The following MTMR3 variants were observed in gnomAD, a reference collection of about 807,000 sequenced individuals.
The protein encoded by MTMR3 is myotubularin related protein 3.
In MTMR3, 32 loss-of-function variants were observed where a neutral mutation model predicts 132.4. The observed-to-expected ratio is 0.24, with a 90% CI of 0.18 to 0.32. MTMR3 has a LOEUF of 0.32. Among genes scored for constraint, MTMR3 ranks in the 10% least tolerant of loss-of-function variants. MTMR3 has a pLI of 1.00. For synonymous variants in MTMR3, 556 were observed against 550.3 expected (o/e 1.01, Z -0.14); for missense variants, 1,216 against 1,489.6 (o/e 0.82, Z 3.02).
At chr22:30,008,384 G>T in intron 11 of MTMR3, 1 of 209,922 alleles carries the variant, frequency 4.8e-6, no homozygotes, top group Non-Finnish European at 9.8e-6. Flanking sequence ...TTGACAGAGG[G>T]TATGCTCACC....
intron 3 of MTMR3, among the ~76,000 whole-genome samples, chr22:29,972,209 G>C (rs1363917894): frequency 6.6e-6 from 1 of 152,128 alleles, no homozygotes; most frequent in African/African-American, 2.4e-5. Context: ...TCAATGAATT[G>C]AAAAAGTGCT....
intron 14 of MTMR3, 66 bp from the exon 15 acceptor site, chr22:30,016,462 G>T: frequency 2.6e-6 from 4 of 1,553,582 alleles, no homozygotes; most frequent in Non-Finnish European, 3.5e-6. Flanking sequence ...AGGTGGCTCA[G>T]CTGAGCTGAC....
At chr22:29,972,395 T>G (rs4239932) in intron 3 of MTMR3, among the ~76,000 whole-genome samples, 119,179 of 152,100 alleles carry the variant, frequency 0.78, 47,111 homozygotes, top group East Asian at 0.92. Flanking sequence ...TCCTGGTGTT[T>G]TCCCTGGCCT....
intron 1 of MTMR3, among the ~76,000 whole-genome samples, chr22:29,884,770 G>T (rs1408066452): frequency 6.6e-6 from 1 of 152,064 alleles, no homozygotes; most frequent in Non-Finnish European, 1.5e-5. Flanking sequence ...CACCATGTTG[G>T]CCAGGCTGGC....
rs75623810 is a variant in MTMR3 at position 30,025,797 on chromosome 22, A to G, written c.3593A>G (p.Asn1198Ser). The G allele has an allele frequency of 1.1e-5, 17 of 1,613,716 alleles. No homozygotes were observed. Among genetic ancestry groups the G allele is most frequent in the Admixed American group, 1.0e-4 (6 of 59,980 alleles). Residue 1198 changes from asparagine (N) to serine (S), a missense_variant, in exon 20 of 20, where the codon AAC becomes AGC. By Grantham distance (46) the Asn-to-Ser change is conservative. This residue lies in a region of MTMR3 where 852 missense variants were observed against 852.0 expected (regional missense o/e 1.00). Coordinates refer to ENST00000401950, the MANE Select transcript of MTMR3 (RefSeq NM_021090.4). Reference sequence around the variant, plus strand: ...GATAAGCCCATTGCTGCCACTTCCAACTGAAGCTCAGTGACCTGGGTGGGC... The same window carrying G: ...GATAAGCCCATTGCTGCCACTTCCAGCTGAAGCTCAGTGACCTGGGTGGGC... Reference protein sequence around the residue: ...ELDKPIAATSN With the variant: ...ELDKPIAATSS
chr22:30,015,703 T>G (rs2067571377), intron 14 of MTMR3: 1 of 152,214 alleles, frequency 6.6e-6, no homozygotes, highest in Admixed American at 6.5e-5. Flanking sequence ...TGTCATTCCT[T>G]GGCTTAAAAA....
intron 2 of MTMR3, among the ~76,000 whole-genome samples, chr22:29,962,296 G>A (rs539591204): frequency 6.6e-6 from 1 of 152,158 alleles, no homozygotes; most frequent in African/African-American, 2.4e-5. Flanking sequence ...CATTTAAAGT[G>A]TACAGTTCAG....
At chr22:29,973,335 A>G (rs1241069132) in intron 3 of MTMR3, among the ~76,000 whole-genome samples, 1 of 152,218 alleles carries the variant, frequency 6.6e-6, no homozygotes, top group Non-Finnish European at 1.5e-5. Context: ...GTGCACTCAT[A>G]TGAACATCAT....
At chr22:29,946,637 A>G (rs1270802638) in intron 1 of MTMR3, among the ~76,000 whole-genome samples, 2 of 152,230 alleles carry the variant, frequency 1.3e-5, no homozygotes, top group African/African-American at 4.8e-5. Context: ...TTAGGGCAAT[A>G]TCATTCAAAC....
intron 15 of MTMR3, 200 bp from the exon 16 acceptor site, chr22:30,017,727 A>G: frequency 1.9e-6 from 1 of 532,826 alleles, no homozygotes; most frequent in Middle Eastern, 4.3e-4. Flanking sequence ...TCTTAGGTGA[A>G]AAATGTTGGC....
intron 8 of MTMR3, 121 bp downstream of exon 8, chr22:29,998,978 T>C (rs2067116012): frequency 6.8e-6 from 4 of 591,018 alleles, no homozygotes; most frequent in Non-Finnish European, 1.1e-5. Context: ...ATTTATTAAA[T>C]CTAAAGGCAT....
In MTMR3 at chr22:30,029,284, TCTA is replaced by T. The variant is rs1256958697; in HGVS notation, c.*3484_*3486del. 7.2e-5 allele frequency: 11 copies of T among 152,356 alleles called. No individual in the cohort carries two copies. Among genetic ancestry groups the T allele is most frequent in the Non-Finnish European group, 5.9e-5 (4 of 68,048 alleles). 9.4% of individuals were successfully genotyped at this position (152,356 alleles called of 1,614,324 possible). A position where few individuals can be genotyped will look rare whatever the true frequency, so the allele number is the denominator to read the frequency against. ...ATCCTGGCACTCTCGTTACCTTTCT[TCTA>T]TACCTTGGCCTCTGTAACTGCAGTC... On this transcript the variant is annotated 3_prime_UTR_variant, in exon 20 of 20. Transcript: ENST00000401950.
chr22:29,966,726 C>CGTGCGTGCCT (rs1484648091), intron 2 of MTMR3, among the ~76,000 whole-genome samples: 1 of 142,856 alleles, frequency 7.0e-6, no homozygotes, highest in South Asian at 2.3e-4. Context: ...TAGGGGTGTG[C>CGTGCGTGCCT]GTGTGTGTGT....
intron 6 of MTMR3, chr22:29,989,933 A>G (rs770454136): frequency 2.6e-5 from 4 of 152,184 alleles, no homozygotes; most frequent in Non-Finnish European, 4.4e-5. Flanking sequence ...ATCTGCGCTT[A>G]ACTATAATGG....
At chr22:29,969,512 A>G (rs2066491607) in intron 2 of MTMR3, among the ~76,000 whole-genome samples, 1 of 151,488 alleles carries the variant, frequency 6.6e-6, no homozygotes, top group Non-Finnish European at 1.5e-5. Context: ...CCAACAGCCA[A>G]AATGATTCTT....
chr22:30,001,764 T>A (rs559587862), intron 8 of MTMR3: 1 of 152,220 alleles, frequency 6.6e-6, no homozygotes, highest in Non-Finnish European at 1.5e-5. Context: ...TCCCAGCTTA[T>A]TTTTAGGAGT....
At chr22:29,974,841 G>A (rs1368976341) in intron 3 of MTMR3, among the ~76,000 whole-genome samples, 2 of 152,158 alleles carry the variant, frequency 1.3e-5, no homozygotes, top group African/African-American at 4.8e-5. Flanking sequence ...ATGCTGAGAA[G>A]TTATGTTAAA....
At position 30,030,647 on chromosome 22, in the gene MTMR3, G is replaced by GGGGGGGGGGGGGGGGGGGGT. The variant is rs749927557; in HGVS notation, c.*4847_*4848insGGGGGGGGGGGGGGGGGGTG. Reference sequence around the variant, plus strand: ...CTCAGCGAGGAGGGGGCGGGGGGGGGGTCACTATTTATCTTCCAGAGGCAG... The same window carrying GGGGGGGGGGGGGGGGGGGGT: ...CTCAGCGAGGAGGGGGCGGGGGGGGGGGGGGGGGGGGGGGGGGGGTGTCACTATTTATCTTCCAGAGGCAG... On this transcript the variant is annotated 3_prime_UTR_variant, in exon 20 of 20. Coordinates refer to ENST00000401950, the MANE Select transcript of MTMR3 (RefSeq NM_021090.4). 1.3e-5 allele frequency: 1 copy of GGGGGGGGGGGGGGGGGGGGT among 76,354 alleles called. No homozygotes were observed. Among genetic ancestry groups the GGGGGGGGGGGGGGGGGGGGT allele is most frequent in the Non-Finnish European group, 2.6e-5 (1 of 38,514 alleles). The allele number at this position is 76,354 out of a possible 1,614,324, so 4.7% of individuals were successfully genotyped here.
chr22:29,911,127 C>G (rs894793356), intron 1 of MTMR3, among the ~76,000 whole-genome samples: 2 of 152,102 alleles, frequency 1.3e-5, no homozygotes, highest in African/African-American at 4.8e-5. Flanking sequence ...AGAATGAGGC[C>G]AAACAAGTAA....
Sources: gnomAD v4.1 joint callset for allele counts (sites outside exome capture counted in the v4.1 genomes callset) on GRCh38, gnomAD v4.1.1 for gene constraint, gnomAD v4.1.1 regional missense constraint, MANE v1.5 for transcripts, NCBI Gene and HGNC (gene_info 2026-07-23, HGNC 2026-07-21) for gene names.